KLHL18: variants seen among roughly 807,000 people sequenced by gnomAD.
KLHL18 encodes the protein kelch like family member 18.
In KLHL18, 38 loss-of-function variants were observed where a neutral mutation model predicts 58.5. The observed-to-expected ratio is 0.65, with a 90% CI of 0.50 to 0.85. The LOEUF (loss-of-function observed/expected upper bound fraction) is 0.85. Among genes scored for constraint, KLHL18 ranks in the 40% least tolerant of loss-of-function variants. The pLI is 0.00. For missense variants in KLHL18, 624 were observed against 778.4 expected (o/e 0.80, Z 2.36); for synonymous variants, 303 against 301.9 (o/e 1.00, Z -0.04).
At chr3:47,324,428 C>A (rs368888782) in intron 3 of KLHL18, among the ~76,000 whole-genome samples, 4 of 149,322 alleles carry the variant, frequency 2.7e-5, no homozygotes, top group Non-Finnish European at 5.9e-5. Context: ...TGACGAGCCT[C>A]GAATCTTCAC....
At chr3:47,331,688 C>T (rs1264123553) in intron 4 of KLHL18, among the ~76,000 whole-genome samples, 4 of 151,512 alleles carry the variant, frequency 2.6e-5, no homozygotes, top group African/African-American at 9.7e-5. Context: ...CCACCTCGGC[C>T]TCCCAAAGTG....
At chr3:47,296,144 T>G (rs1320622419) in intron 1 of KLHL18, among the ~76,000 whole-genome samples, 2 of 152,198 alleles carry the variant, frequency 1.3e-5, no homozygotes, top group African/African-American at 2.4e-5. Flanking sequence ...ATCTGGTGCT[T>G]CTTACATCCT....
chr3:47,301,651 G>T (rs1322599225), intron 1 of KLHL18, among the ~76,000 whole-genome samples: 1 of 152,090 alleles, frequency 6.6e-6, no homozygotes, highest in Admixed American at 6.5e-5. Context: ...ACAATGTGGG[G>T]GTTGGAATGT....
chr3:47,309,464 G>A (rs1228324685), intron 1 of KLHL18, among the ~76,000 whole-genome samples: 6 of 151,786 alleles, frequency 4.0e-5, no homozygotes, highest in Non-Finnish European at 5.9e-5. Flanking sequence ...CGGGGCGGCA[G>A]GGCAGAGGCG....
intron 1 of KLHL18, among the ~76,000 whole-genome samples, chr3:47,312,995 C>T (rs1234130563): frequency 1.3e-5 from 2 of 150,502 alleles, no homozygotes; most frequent in African/African-American, 4.9e-5. Context: ...CTGTAGGCTC[C>T]GCCTCCCAGG....
chr3:47,293,401 T>G (rs1248693006), intron 1 of KLHL18, among the ~76,000 whole-genome samples: 1 of 152,232 alleles, frequency 6.6e-6, no homozygotes, highest in Non-Finnish European at 1.5e-5. Context: ...TGTCTTTCTA[T>G]TGAAACCCAA....
intron 1 of KLHL18, among the ~76,000 whole-genome samples, chr3:47,298,310 G>T (rs114744713): frequency 0.014 from 2,060 of 144,486 alleles, 51 homozygotes; most frequent in African/African-American, 0.05. Context: ...AGCTATGATT[G>T]TGTCACTACA....
intron 1 of KLHL18, among the ~76,000 whole-genome samples, chr3:47,310,454 A>T (rs1294585833): frequency 6.6e-6 from 1 of 152,168 alleles, no homozygotes; most frequent in African/African-American, 2.4e-5. Context: ...AGGCTGTCTT[A>T]TAGCCTCTTT....
intron 1 of KLHL18, among the ~76,000 whole-genome samples, chr3:47,289,016 A>G (rs1377518687): frequency 6.6e-6 from 1 of 152,206 alleles, no homozygotes; most frequent in African/African-American, 2.4e-5. Context: ...CTTCTTATTC[A>G]TGAGATTTGG....
intron 1 of KLHL18, among the ~76,000 whole-genome samples, chr3:47,291,850 AAGTG>A (rs1368963334): frequency 5.3e-5 from 8 of 152,368 alleles, no homozygotes; most frequent in Non-Finnish European, 8.8e-5. Context: ...ACTGATTAGT[AAGTG>A]AGTAAGTAAC....
intron 2 of KLHL18, among the ~76,000 whole-genome samples, chr3:47,321,407 C>T (rs1346656002): frequency 6.8e-6 from 1 of 147,978 alleles, no homozygotes; most frequent in East Asian, 2.1e-4. Context: ...AATGCAATGA[C>T]ATGATCTCTG....
intron 1 of KLHL18, among the ~76,000 whole-genome samples, chr3:47,313,033 C>A (rs1307028891): frequency 6.6e-6 from 1 of 151,548 alleles, no homozygotes; most frequent in African/African-American, 2.4e-5. Flanking sequence ...CCTCAGCCTC[C>A]TGAGTAGCTG....
At chr3:47,331,595 G>A (rs1027277848) in intron 4 of KLHL18, among the ~76,000 whole-genome samples, 1 of 151,270 alleles carries the variant, frequency 6.6e-6, no homozygotes, top group Non-Finnish European at 1.5e-5. Context: ...ATCATGCCTG[G>A]CTAACTTTTG....
intron 1 of KLHL18, among the ~76,000 whole-genome samples, chr3:47,308,678 A>G (rs1349855553): frequency 6.6e-6 from 1 of 152,098 alleles, no homozygotes; most frequent in Non-Finnish European, 1.5e-5. Flanking sequence ...GGCGTAAGCC[A>G]CTGTGCCCGG....
At chr3:47,314,512 T>G (rs1393883821) in intron 1 of KLHL18, among the ~76,000 whole-genome samples, 1 of 152,122 alleles carries the variant, frequency 6.6e-6, no homozygotes, top group Non-Finnish European at 1.5e-5. Context: ...TCTTCCTTTT[T>G]GTGAAGAACG....
chr3:47,339,321 C>T (rs572941216), intron 7 of KLHL18, among the ~76,000 whole-genome samples: 4 of 151,454 alleles, frequency 2.6e-5, no homozygotes, highest in African/African-American at 9.7e-5. Flanking sequence ...ATAGTGAGAC[C>T]CCCGTCTATA....
chr3:47,340,683 A>G lies in KLHL18; in HGVS notation c.1226+7A>G. ...ACTCACCTGAGACGGACAAGTAAGGACTCCAGCTCCCTTGGGGCAACTGGA... is the reference window on the plus strand; with the variant it reads ...ACTCACCTGAGACGGACAAGTAAGGGCTCCAGCTCCCTTGGGGCAACTGGA... On this transcript the variant is annotated splice_region_variant and intron_variant, in intron 8 of 9. Transcript: ENST00000232766. 19 of 1,613,628 alleles carry G rather than the reference A, an allele frequency of 1.2e-5. No individual in the cohort carries two copies. Among genetic ancestry groups the G allele is most frequent in the Non-Finnish European group, 1.6e-5 (19 of 1,179,862 alleles).
At chr3:47,338,613 C>G (rs295455) in intron 7 of KLHL18, 145,964 of 152,312 alleles carry the variant, frequency 0.96, 70,263 homozygotes, top group East Asian at 1. Context: ...CCTAAGGTCA[C>G]GAGTTTGAGA....
chr3:47,305,341 T>TG (rs1199417219), intron 1 of KLHL18, among the ~76,000 whole-genome samples: 26 of 148,894 alleles, frequency 1.7e-4, no homozygotes, highest in African/African-American at 6.1e-4. Context: ...CAAGTTTTTT[T>TG]TTTTTTTTTT....
Sources: gnomAD v4.1 joint callset for allele counts (sites outside exome capture counted in the v4.1 genomes callset) on GRCh38, gnomAD v4.1.1 for gene constraint, MANE v1.5 for transcripts, NCBI Gene and HGNC (gene_info 2026-07-23, HGNC 2026-07-21) for gene names.